MAP3K5: variants seen among roughly 807,000 people sequenced by gnomAD.
MAP3K5 encodes mitogen-activated protein kinase kinase kinase 5, also known as ASK-1.
In MAP3K5, 56 loss-of-function variants were observed where a neutral mutation model predicts 158.7. The observed-to-expected ratio is 0.35, with a 90% CI of 0.28 to 0.44. The LOEUF (loss-of-function observed/expected upper bound fraction) is 0.44, where lower values mean the gene tolerates loss of function less well. MAP3K5 is among the 20% of genes least tolerant of loss of function. MAP3K5 has a pLI of 1.00. For synonymous variants in MAP3K5, 579 were observed against 601.7 expected (o/e 0.96, Z 0.55); for missense variants, 1,294 against 1,674.8 (o/e 0.77, Z 3.97).
intron 7 of MAP3K5, among the ~76,000 whole-genome samples, chr6:136,685,901 C>T (rs1780126718): frequency 6.6e-6 from 1 of 152,200 alleles, no homozygotes; most frequent in Non-Finnish European, 1.5e-5. Context: ...CTGTGAGCAC[C>T]TTGACAGGGC....
At chr6:136,675,484 G>C (rs1013036791) in intron 7 of MAP3K5, among the ~76,000 whole-genome samples, 1 of 151,954 alleles carries the variant, frequency 6.6e-6, no homozygotes, top group African/African-American at 2.4e-5. Flanking sequence ...GAACAATAAA[G>C]AAAGATATAT....
chr6:136,595,745 G>A (rs993077454), intron 21 of MAP3K5, among the ~76,000 whole-genome samples: 4 of 152,300 alleles, frequency 2.6e-5, no homozygotes, highest in South Asian at 2.1e-4. Context: ...GGCTGGGCGC[G>A]GTGGCTCACG....
At chr6:136,785,919 C>A (rs1398521712) in intron 1 of MAP3K5, among the ~76,000 whole-genome samples, 1 of 152,186 alleles carries the variant, frequency 6.6e-6, no homozygotes. Flanking sequence ...TTCTTACAGG[C>A]TAGTCCCAGA....
At chr6:136,616,158 TTGAG>T (rs1473762701) in intron 15 of MAP3K5, among the ~76,000 whole-genome samples, 2 of 152,146 alleles carry the variant, frequency 1.3e-5, no homozygotes, top group African/African-American at 2.4e-5. Context: ...TGATAATTGC[TTGAG>T]TGAGATAACA....
At chr6:136,567,918 C>A in intron 25 of MAP3K5, 44 bp from the exon 26 acceptor site, 1 of 1,586,990 alleles carries the variant, frequency 6.3e-7, no homozygotes, top group South Asian at 1.1e-5. Context: ...AAATATGACT[C>A]ATTGCCTTAA....
At chr6:136,568,018 G>C (rs1753346106) in intron 25 of MAP3K5, 144 bp from the exon 26 acceptor site, 1 of 841,876 alleles carries the variant, frequency 1.2e-6, no homozygotes, top group African/African-American at 1.7e-5. Context: ...ATGGATTTCT[G>C]TAGACTCAGA....
intron 15 of MAP3K5, among the ~76,000 whole-genome samples, chr6:136,615,918 C>T (rs1188923708): frequency 4.6e-5 from 7 of 151,938 alleles, no homozygotes; most frequent in Admixed American, 2.0e-4. Context: ...AGAGTAAGTG[C>T]TTTAGCTAAA....
rs759947051 is a variant in MAP3K5, at chr6:136,737,037, G to GTGTGTATATATATATATATATA, written c.449-16449_449-16448insTATATATATATATATATACACA. ...TAATTTTACATATATATATGTGTGT[G>GTGTGTATATATATATATATATA]TATATATATATATATATATAAACTT... On this transcript the variant is annotated intron_variant, in intron 1 of 29. Coordinates refer to ENST00000359015, the MANE Select transcript of MAP3K5 (RefSeq NM_005923.4). Among the ~76,000 whole-genome samples the GTGTGTATATATATATATATATA allele has an allele frequency of 1.1e-3, 144 of 126,926 alleles. 1 individual carries two copies. The highest frequency in any genetic ancestry group is 5.1e-3 in the African/African-American group (134 of 26,404). 83.3% of individuals were successfully genotyped at this position (126,926 alleles called of 152,430 possible).
intron 20 of MAP3K5, 87 bp downstream of exon 20, chr6:136,601,715 G>C: frequency 8.6e-7 from 1 of 1,156,326 alleles, no homozygotes; most frequent in South Asian, 1.5e-5. Context: ...TCTGTAAACA[G>C]GTTAGTTTAC....
intron 7 of MAP3K5, among the ~76,000 whole-genome samples, chr6:136,672,742 C>A (rs553204762): frequency 6.6e-6 from 1 of 152,016 alleles, no homozygotes; most frequent in Admixed American, 6.5e-5. Context: ...TGGCTCCCAG[C>A]CCTTTGGGAG....
At chr6:136,697,736 TTTTG>T (rs1335327238) in intron 4 of MAP3K5, among the ~76,000 whole-genome samples, 6 of 152,042 alleles carry the variant, frequency 3.9e-5, no homozygotes, top group East Asian at 1.9e-4. Context: ...ACCTATGATT[TTTTG>T]TTTGTTTGTT....
intron 21 of MAP3K5, among the ~76,000 whole-genome samples, chr6:136,594,384 T>C (rs1775530280): frequency 1.3e-5 from 2 of 152,194 alleles, no homozygotes; most frequent in African/African-American, 4.8e-5. Context: ...TCAAGGTCTA[T>C]AGTGTGCCTT....
chr6:136,707,427 G>A (rs1208542926), intron 2 of MAP3K5, among the ~76,000 whole-genome samples: 4 of 152,170 alleles, frequency 2.6e-5, no homozygotes, highest in African/African-American at 4.8e-5. Flanking sequence ...GGCAAAGCCC[G>A]AAGGTGAGGA....
chr6:136,629,890 T>C (rs1473004239), intron 14 of MAP3K5, among the ~76,000 whole-genome samples: 1 of 152,058 alleles, frequency 6.6e-6, no homozygotes, highest in Admixed American at 6.6e-5. Context: ...TAGCTGGGAT[T>C]ACAGGCGCTT....
chr6:136,671,790 ATTT>A (rs566616523), intron 7 of MAP3K5, among the ~76,000 whole-genome samples: 1 of 136,998 alleles, frequency 7.3e-6, no homozygotes, highest in Admixed American at 7.3e-5. Context: ...ATTTTTTTGT[ATTT>A]TTTTTTTTTT....
intron 18 of MAP3K5, among the ~76,000 whole-genome samples, chr6:136,608,147 G>C (rs1050064386): frequency 2.0e-5 from 3 of 152,126 alleles, no homozygotes; most frequent in African/African-American, 7.2e-5. Context: ...GAAGGTCCAC[G>C]TTTCTGGCTC....
At chr6:136,557,870 G>T in intron 29 of MAP3K5, 52 bp from the exon 30 acceptor site, 1 of 1,216,108 alleles carries the variant, frequency 8.2e-7, no homozygotes, top group Non-Finnish European at 1.2e-6. Context: ...TTGAAACATT[G>T]CCCTTGAAAT....
At position 136,570,266 on chromosome 6, in the gene MAP3K5, G is replaced by T. The variant is rs1433400461; in HGVS notation, c.3518-2392C>A. Among the ~76,000 whole-genome samples the T allele has an allele frequency of 2.0e-5, 3 of 152,182 alleles. No homozygotes were observed. The East Asian group carries it at 5.8e-4, about 29-fold the overall frequency. On this transcript the variant is annotated intron_variant, in intron 25 of 29. Coordinates refer to ENST00000359015, the MANE Select transcript of MAP3K5 (RefSeq NM_005923.4). ...TTTATATTTACCCTATTTGATCTGT[G>T]GACAGTATTTTCCTCTAAATCTCTG...
intron 2 of MAP3K5, among the ~76,000 whole-genome samples, chr6:136,709,600 T>C (rs1358335212): frequency 1.3e-5 from 2 of 152,188 alleles, no homozygotes; most frequent in African/African-American, 2.4e-5. Flanking sequence ...GAAGGCTCTA[T>C]AGAAAAGCAA....
Sources: allele counts gnomAD v4.1 joint callset (sites outside exome capture counted in the v4.1 genomes callset), GRCh38; gene constraint gnomAD v4.1.1; transcripts MANE v1.5; gene names NCBI Gene and HGNC (gene_info 2026-07-23, HGNC 2026-07-21).